Variants in CSGALNACT1 observed in about 807,000 individuals in gnomAD.
CSGALNACT1 encodes the protein chondroitin sulfate N-acetylgalactosaminyltransferase 1, also known as beta4GalNAcT-1.
A neutral mutation model predicts 51.0 loss-of-function variants in CSGALNACT1; 52 were observed. The observed-to-expected ratio is 1.02, with a 90% CI of 0.82 to 1.29. CSGALNACT1 has a LOEUF of 1.29. Among genes scored for constraint, CSGALNACT1 ranks in the 50% most tolerant of loss-of-function variants. CSGALNACT1 has a pLI of 0.00. For synonymous variants in CSGALNACT1, 341 were observed against 254.4 expected (o/e 1.34, Z -3.24); for missense variants, 935 against 679.2 (o/e 1.38, Z -4.19).
intron 5 of CSGALNACT1, among the ~76,000 whole-genome samples, chr8:19,449,188 G>C (rs752948571): frequency 6.6e-6 from 1 of 152,056 alleles, no homozygotes; most frequent in Non-Finnish European, 1.5e-5. Flanking sequence ...CTCTTGGATG[G>C]ATGTTCATAC....
chr8:19,486,589 C>T (rs1192646083), intron 4 of CSGALNACT1, among the ~76,000 whole-genome samples: 1 of 152,172 alleles, frequency 6.6e-6, no homozygotes, highest in Non-Finnish European at 1.5e-5. Flanking sequence ...TCTGGAAACT[C>T]TCTTCCTTCA....
chr8:19,470,545 G>A (rs2067894350), intron 4 of CSGALNACT1, among the ~76,000 whole-genome samples: 1 of 152,202 alleles, frequency 6.6e-6, no homozygotes, highest in Non-Finnish European at 1.5e-5. Flanking sequence ...GCAGACAGGT[G>A]TGAGGGCAAG....
At chr8:19,559,375 C>T (rs1290560631) in intron 3 of CSGALNACT1, among the ~76,000 whole-genome samples, 4 of 152,154 alleles carry the variant, frequency 2.6e-5, no homozygotes, top group African/African-American at 9.7e-5. Flanking sequence ...CCGCAAACAT[C>T]ATACTTAAAT....
At chr8:19,449,598 G>A (rs1394197531) in intron 5 of CSGALNACT1, among the ~76,000 whole-genome samples, 1 of 151,956 alleles carries the variant, frequency 6.6e-6, no homozygotes, top group Non-Finnish European at 1.5e-5. Flanking sequence ...ATGGTTCTAG[G>A]CCAAAAAAAT....
chr8:19,535,266 GA>G (rs2083518768), intron 3 of CSGALNACT1, among the ~76,000 whole-genome samples: 1 of 152,116 alleles, frequency 6.6e-6, no homozygotes, highest in Non-Finnish European at 1.5e-5. Flanking sequence ...CTAGAAGCCT[GA>G]AAATTTCAGC....
At chr8:19,544,776 T>A (rs190779561) in intron 3 of CSGALNACT1, among the ~76,000 whole-genome samples, 66 of 152,336 alleles carry the variant, frequency 4.3e-4, no homozygotes, top group Middle Eastern at 3.4e-3. Context: ...TTTAACTGCA[T>A]AATTGGTCCA....
chr8:19,474,472 G>C (rs2153882995), intron 4 of CSGALNACT1, among the ~76,000 whole-genome samples: 1 of 152,198 alleles, frequency 6.6e-6, no homozygotes, highest in African/African-American at 2.4e-5. Context: ...AATCATTGTA[G>C]GGTCTTAAGG....
intron 3 of CSGALNACT1, among the ~76,000 whole-genome samples, chr8:19,588,372 T>C (rs926541671): frequency 6.6e-6 from 1 of 152,200 alleles, no homozygotes; most frequent in East Asian, 1.9e-4. Flanking sequence ...TGAGAACTCA[T>C]TGCAAATATG....
At chr8:19,685,368 C>A (rs1003645811), upstream of CSGALNACT1, among the ~76,000 whole-genome samples, 5 of 152,146 alleles carry the variant, frequency 3.3e-5, no homozygotes, top group African/African-American at 1.2e-4. Context: ...GGCTTGGTGT[C>A]ATGTGCCTGT....
At chr8:19,491,668 G>T (rs1173835499) in intron 4 of CSGALNACT1, among the ~76,000 whole-genome samples, 1 of 152,104 alleles carries the variant, frequency 6.6e-6, no homozygotes, top group Non-Finnish European at 1.5e-5. Context: ...CATGATGTTT[G>T]CTTGGGTTTA....
At chr8:19,606,649 A>C (rs115809724), upstream of CSGALNACT1, among the ~76,000 whole-genome samples, 3,059 of 152,292 alleles carry the variant, frequency 0.02, 102 homozygotes, top group African/African-American at 0.07. Context: ...GACTCAACGG[A>C]AACATATCTA....
chr8:19,481,549 A>G (rs1193021193), intron 4 of CSGALNACT1, among the ~76,000 whole-genome samples: 1 of 152,118 alleles, frequency 6.6e-6, no homozygotes, highest in Non-Finnish European at 1.5e-5. Context: ...CTTGAGCTCA[A>G]AATCACAGTG....
In CSGALNACT1 at chr8:19,599,135, G is replaced by T. The variant is rs1011421296; in HGVS notation, c.-416+2636C>A. On this transcript the variant is annotated intron_variant, in intron 2 of 9. Coordinates refer to ENST00000454498, the Ensembl canonical transcript of CSGALNACT1. The stretch of plus-strand genomic sequence containing the variant: ...TGGAGACAAAAGCACAGGTCGGGGA[G>T]GGGGAGCACAGAGAGCTAGTGTCAG... Among the ~76,000 whole-genome samples, 3 of 151,822 alleles carry T rather than the reference G, an allele frequency of 2.0e-5. No homozygotes were observed. The East Asian group carries it at 5.8e-4, about 29-fold the overall frequency.
At chr8:19,487,834 G>A (rs1043470243) in intron 4 of CSGALNACT1, among the ~76,000 whole-genome samples, 2 of 152,114 alleles carry the variant, frequency 1.3e-5, no homozygotes, top group African/African-American at 4.8e-5. Flanking sequence ...AAGGCAGCTT[G>A]GGGGTTTAGA....
At chr8:19,727,749 A>G (rs568484107) in intron 1 of CSGALNACT1, among the ~76,000 whole-genome samples, 1 of 152,214 alleles carries the variant, frequency 6.6e-6, no homozygotes, top group East Asian at 1.9e-4. Flanking sequence ...TGGCTGGGTG[A>G]CATTTCCCAT....
chr8:19,435,346 C>T (rs948653979), intron 6 of CSGALNACT1, among the ~76,000 whole-genome samples: 3 of 151,960 alleles, frequency 2.0e-5, no homozygotes, highest in African/African-American at 4.8e-5. Flanking sequence ...TACAAGAATT[C>T]GCTGGGTGTG....
chr8:19,408,476 T>C, intron 9 of CSGALNACT1, 137 bp downstream of exon 8: 1 of 359,900 alleles, frequency 2.8e-6, no homozygotes, highest in Non-Finnish European at 4.9e-6. Flanking sequence ...AGCTTTTTTT[T>C]TTTTTTTTTT....
chr8:19,614,619 C>G (rs1402248150), intron 1 of CSGALNACT1, among the ~76,000 whole-genome samples: 1 of 152,046 alleles, frequency 6.6e-6, no homozygotes, highest in Admixed American at 6.5e-5. Context: ...TCTTTTTCAA[C>G]AGAGATTGGT....
intron 3 of CSGALNACT1, among the ~76,000 whole-genome samples, chr8:19,578,403 C>T (rs2044765308): frequency 6.6e-6 from 1 of 152,154 alleles, no homozygotes. Context: ...GATCCTGCTG[C>T]CTGGAGGAAG....
Sources: allele counts gnomAD v4.1 joint callset (sites outside exome capture counted in the v4.1 genomes callset), GRCh38; gene constraint gnomAD v4.1.1; transcripts MANE v1.5; gene names NCBI Gene and HGNC (gene_info 2026-07-23, HGNC 2026-07-21).